SKP1: variants seen among roughly 807,000 people sequenced by gnomAD.
The protein encoded by SKP1 is S-phase kinase-associated protein 1.
SKP1 carries 1 observed loss-of-function variant against 21.5 expected under a neutral mutation model. The ratio of observed to expected loss-of-function variants is 0.05; its 90% CI spans 0.02 to 0.22. The LOEUF (loss-of-function observed/expected upper bound fraction) is 0.22, where lower values mean the gene tolerates loss of function less well. Among genes scored for constraint, SKP1 ranks in the 10% least tolerant of loss-of-function variants. The pLI, the probability that SKP1 is intolerant of heterozygous loss-of-function variation, is 1.00. For missense variants in SKP1, 70 were observed against 192.0 expected (o/e 0.36, Z 3.76); for synonymous variants, 59 against 59.3 (o/e 0.99, Z 0.03).
Position 134,156,340 on chromosome 5 carries a change from T to G in SKP1, c.*1393A>C, listed in dbSNP as rs1761120089. The stretch of plus-strand genomic sequence containing the variant: ...TACAAAAACAGGCTATGGGCCTGAT[T>G]TGACCCACACATTATAGTTTCCTAT... On this transcript the variant is annotated 3_prime_UTR_variant, in exon 6 of 6. Coordinates refer to ENST00000353411, the MANE Select transcript of SKP1 (RefSeq NM_170679.3). The G allele has an allele frequency of 6.6e-6, 1 of 152,150 alleles. No homozygotes were observed. The highest frequency in any genetic ancestry group is 1.5e-5 in the Non-Finnish European group (1 of 68,034). 9.4% of individuals were successfully genotyped at this position (152,150 alleles called of 1,614,324 possible).
At position 134,153,554 on chromosome 5, in the gene SKP1, G is replaced by C. The variant is rs1761075269; in HGVS notation, c.*4179C>G. ...CTATGGGGTAGTCCTGCTCTGCAAG[G>C]AGCAGTTAAAAAAAATCTTCAAAAG... is the stretch of plus-strand genomic sequence containing the variant. On this transcript the variant is annotated 3_prime_UTR_variant, in exon 6 of 6. Coordinates refer to ENST00000353411, the MANE Select transcript of SKP1 (RefSeq NM_170679.3). The C allele has an allele frequency of 6.6e-6, 1 of 152,212 alleles. No homozygotes were observed. The highest frequency in any genetic ancestry group is 6.5e-5 in the Admixed American group (1 of 15,300). 9.4% of individuals were successfully genotyped at this position (152,212 alleles called of 1,614,324 possible).
rs771823334 is a variant in SKP1, at chr5:134,161,137, C to G, written c.172-7G>C. The G allele has an allele frequency of 1.9e-6, 3 of 1,588,950 alleles. No homozygotes were observed. The Admixed American group carries it at 5.3e-5, about 28-fold the overall frequency. ...GGGTGCACCACTGAATGACCTACAA[C>G]AACAAAAGTTCATTCCTCTGTGGCA... On this transcript the variant is annotated splice_polypyrimidine_tract_variant and splice_region_variant and intron_variant, in intron 3 of 5. Transcript: ENST00000353411.
At chr5:134,170,598 AGTT>A (rs1407719061) in intron 2 of SKP1, among the ~76,000 whole-genome samples, 1 of 152,250 alleles carries the variant, frequency 6.6e-6, no homozygotes, top group African/African-American at 2.4e-5. Context: ...AAAAGCAGAA[AGTT>A]GCCAAATTCA....
rs1465711177 is a variant in SKP1 at position 134,153,540 on chromosome 5, T to C, written c.*4193A>G. On this transcript the variant is annotated 3_prime_UTR_variant, in exon 6 of 6. Coordinates refer to ENST00000353411, the MANE Select transcript of SKP1 (RefSeq NM_170679.3). ...TCTGGGCACACTGCCTATGGGGTAG[T>C]CCTGCTCTGCAAGGAGCAGTTAAAA... 2 of 152,164 alleles carry C rather than the reference T, an allele frequency of 1.3e-5. No individual in the cohort carries two copies. The highest frequency in any genetic ancestry group is 4.8e-5 in the African/African-American group (2 of 41,420). 9.4% of individuals were successfully genotyped at this position (152,164 alleles called of 1,614,324 possible).
Position 134,151,596 on chromosome 5 carries a change from A to T in SKP1, c.*6137T>A, listed in dbSNP as rs986601157. ...GTGCAATAAGAGGCTGCTATATAGC[A>T]GGTTGAAAATTTGAAGTTAAGAGAT... On this transcript the variant is annotated 3_prime_UTR_variant, in exon 6 of 6. Coordinates refer to ENST00000353411, the MANE Select transcript of SKP1 (RefSeq NM_170679.3). 4.4e-6 allele frequency: 2 copies of T among 449,602 alleles called. No individual in the cohort carries two copies. Among genetic ancestry groups the T allele is most frequent in the African/African-American group, 4.0e-5 (2 of 49,978 alleles). 27.9% of individuals were successfully genotyped at this position (449,602 alleles called of 1,614,324 possible). A position where few individuals can be genotyped will look rare whatever the true frequency, so the allele number is the denominator to read the frequency against.
chr5:134,170,173 A>AAAAATAAAATAAAATAAAAT (rs57218893), intron 2 of SKP1, among the ~76,000 whole-genome samples: 1 of 152,024 alleles, frequency 6.6e-6, no homozygotes, highest in African/African-American at 2.4e-5. Flanking sequence ...TCCATCTCAA[A>AAAAATAAAATAAAATAAAAT]AAAATAAAAT....
chr5:134,159,662 C>T (rs1761183610), intron 4 of SKP1, among the ~76,000 whole-genome samples: 1 of 152,132 alleles, frequency 6.6e-6, no homozygotes, highest in Non-Finnish European at 1.5e-5. Flanking sequence ...ATTCTCCTGC[C>T]TCGGCCTCCC....
At chr5:134,167,630 C>T (rs767897054) in intron 2 of SKP1, among the ~76,000 whole-genome samples, 14 of 151,850 alleles carry the variant, frequency 9.2e-5, no homozygotes, top group Non-Finnish European at 1.8e-4. Flanking sequence ...TCACACCATT[C>T]TCCTGCCTCA....
intron 2 of SKP1, among the ~76,000 whole-genome samples, chr5:134,169,725 G>A (rs1015445269): frequency 2.6e-5 from 4 of 152,226 alleles, no homozygotes; most frequent in African/African-American, 7.2e-5. Context: ...AAATTGGCCA[G>A]GCATGGCGGC....
chr5:134,167,741 G>A (rs546935443), intron 2 of SKP1, among the ~76,000 whole-genome samples: 55 of 152,184 alleles, frequency 3.6e-4, no homozygotes, highest in African/African-American at 1.1e-3. Context: ...AGCCAGGATG[G>A]TCTCGATCTC....
chr5:134,165,249 T>C (rs185967405), intron 3 of SKP1, among the ~76,000 whole-genome samples: 1 of 152,172 alleles, frequency 6.6e-6, no homozygotes, highest in Non-Finnish European at 1.5e-5. Flanking sequence ...GTATATTTTA[T>C]CACTATTTTT....
intron 1 of SKP1, chr5:134,175,125 C>T (rs548019089): frequency 6.6e-6 from 1 of 152,304 alleles, no homozygotes; most frequent in African/African-American, 2.4e-5. Context: ...ATGCATCACA[C>T]CCATTTTATG....
At position 134,174,018 on chromosome 5, in the gene SKP1, G is replaced by T; in HGVS notation, c.5C>A (p.Pro2His). M[P>H]SIKLQSSDGE... ...ATCAGAACTCTGCAACTTAATTGAA[G>T]GCATCTAAAAAAAAAGGACATTAAA... The change falls in exon 2 of 6, where the codon CCT becomes CAT. Residue 2 changes from proline (P) to histidine (H), a missense_variant. Physicochemically the swap from Pro to His is moderately conservative, Grantham distance 77. This residue lies in a region of SKP1 where 21 missense variants were observed against 23.4 expected (regional missense o/e 0.90). Coordinates refer to ENST00000353411, the MANE Select transcript of SKP1 (RefSeq NM_170679.3). The T allele has an allele frequency of 6.3e-7, 1 of 1,582,786 alleles. No homozygotes were observed. Among genetic ancestry groups the T allele is most frequent in the Non-Finnish European group, 8.7e-7 (1 of 1,154,040 alleles).
chr5:134,156,535 T>A lies in SKP1; in HGVS notation c.*1198A>T, dbSNP rs1392732966. ...AAGAGAAAACAAGATTACATGTGAATATAGATGTTAACTGGAAAAGCAAGG... is the reference window on the plus strand; with the variant it reads ...AAGAGAAAACAAGATTACATGTGAAAATAGATGTTAACTGGAAAAGCAAGG... On this transcript the variant is annotated 3_prime_UTR_variant, in exon 6 of 6. Transcript: ENST00000353411. 1 of 151,556 alleles carries A rather than the reference T, an allele frequency of 6.6e-6. No individual in the cohort carries two copies. Among genetic ancestry groups the A allele is most frequent in the Admixed American group, 6.6e-5 (1 of 15,220 alleles). 9.4% of individuals were successfully genotyped at this position (151,556 alleles called of 1,614,324 possible). A position where few individuals can be genotyped will look rare whatever the true frequency, so the allele number is the denominator to read the frequency against.
rs925080463 is a variant in SKP1, at chr5:134,150,227, G to A, written c.*7506C>T. On this transcript the variant is annotated 3_prime_UTR_variant, in exon 6 of 6. Transcript: ENST00000353411. ...TCTACTTTAACAGAACCCCATGGAT[G>A]GACTCTCTTCTGACATGTAATTATC... 9 of 152,126 alleles carry A rather than the reference G, an allele frequency of 5.9e-5. No individual in the cohort carries two copies. Among genetic ancestry groups the A allele is most frequent in the Admixed American group, 5.2e-4 (8 of 15,270 alleles). 9.4% of individuals were successfully genotyped at this position (152,126 alleles called of 1,614,324 possible). A position where few individuals can be genotyped will look rare whatever the true frequency, so the allele number is the denominator to read the frequency against.
chr5:134,170,000 C>CAAAAA (rs1312695127), intron 2 of SKP1, among the ~76,000 whole-genome samples: 1 of 76,928 alleles, frequency 1.3e-5, no homozygotes, highest in African/African-American at 5.0e-5. Context: ...GACTCCATCT[C>CAAAAA]AAAAAAAAAA....
At position 134,155,583 on chromosome 5, in the gene SKP1, A is replaced by G. The variant is rs1162843769; in HGVS notation, c.*2150T>C. 1.3e-5 allele frequency: 2 copies of G among 152,370 alleles called. No individual in the cohort carries two copies. The highest frequency in any genetic ancestry group is 3.9e-4 in the East Asian group (2 of 5,190). The allele number at this position is 152,370 out of a possible 1,614,324, so 9.4% of individuals were successfully genotyped here. A position where few individuals can be genotyped will look rare whatever the true frequency, so the allele number is the denominator to read the frequency against. On this transcript the variant is annotated 3_prime_UTR_variant, in exon 6 of 6. Coordinates refer to ENST00000353411, the MANE Select transcript of SKP1 (RefSeq NM_170679.3). ...TACTACTATATTGTCTGTCCATCCA[A>G]TCTTTCTGAAAGATCTCATTATCCT...
rs1322850421 is a variant in SKP1 at position 134,156,373 on chromosome 5, A to T, written c.*1360T>A. ...CACATTATAGTTTCCTATCTCTGGT[A>T]CAGACAACAAATTGGAATTAAGTGA... On this transcript the variant is annotated 3_prime_UTR_variant, in exon 6 of 6. Coordinates refer to ENST00000353411, the MANE Select transcript of SKP1 (RefSeq NM_170679.3). 3 of 152,220 alleles carry T rather than the reference A, an allele frequency of 2.0e-5. No individual in the cohort carries two copies. The highest frequency in any genetic ancestry group is 7.2e-5 in the African/African-American group (3 of 41,466). 9.4% of individuals were successfully genotyped at this position (152,220 alleles called of 1,614,324 possible).
intron 4 of SKP1, among the ~76,000 whole-genome samples, chr5:134,159,703 C>T (rs1220512601): frequency 1.3e-5 from 2 of 152,118 alleles, no homozygotes. Context: ...TCCTGCCACC[C>T]CACCCGGCTA....
Sources: gnomAD v4.1 joint callset for allele counts (sites outside exome capture counted in the v4.1 genomes callset) on GRCh38, gnomAD v4.1.1 for gene constraint, gnomAD v4.1.1 regional missense constraint, MANE v1.5 for transcripts, NCBI Gene and HGNC (gene_info 2026-07-23, HGNC 2026-07-21) for gene names.